ENTREP2: variants seen among roughly 807,000 people sequenced by gnomAD.
ENTREP2 encodes endosomal transmembrane epsin interactor 2, also known as protein ENTREP2.
At chr15:29,328,945 G>A in the ENTREP2 span, among the ~76,000 whole-genome samples, 3 of 152,202 alleles carry the variant, frequency 2.0e-5, no homozygotes, top group Admixed American at 2.0e-4. Flanking sequence ...TACCCCTGTA[G>A]GTGCCTGAAA....
At chr15:29,604,028 G>GA in the ENTREP2 span, among the ~76,000 whole-genome samples, 1 of 151,960 alleles carries the variant, frequency 6.6e-6, no homozygotes, top group Non-Finnish European at 1.5e-5. Context: ...GAATTTAGAT[G>GA]AAAAAAAGAG....
chr15:29,383,775 AAACAACAAAAC>A, the ENTREP2 span, among the ~76,000 whole-genome samples: 4 of 152,062 alleles, frequency 2.6e-5, no homozygotes, highest in Admixed American at 2.0e-4. Flanking sequence ...TCTGGCCACA[AAACAACAAAAC>A]AACAACAAAA....
the ENTREP2 span, among the ~76,000 whole-genome samples, chr15:29,589,137 T>G: frequency 1.3e-5 from 2 of 152,088 alleles, no homozygotes; most frequent in Non-Finnish European, 2.9e-5. Context: ...AAGAGGATTG[T>G]CATTGGGGCC....
At chr15:29,250,276 A>C in the ENTREP2 span, among the ~76,000 whole-genome samples, 11 of 152,138 alleles carry the variant, frequency 7.2e-5, no homozygotes, top group African/African-American at 2.7e-4. Flanking sequence ...AAATGAACAC[A>C]CTGGTTTGTA....
At chr15:29,382,981 C>G in the ENTREP2 span, among the ~76,000 whole-genome samples, 1 of 152,174 alleles carries the variant, frequency 6.6e-6, no homozygotes, top group East Asian at 1.9e-4. Context: ...ATCTGGGCTC[C>G]TGTGGCTTCT....
the ENTREP2 span, among the ~76,000 whole-genome samples, chr15:29,134,029 A>G: frequency 6.6e-6 from 1 of 150,702 alleles, no homozygotes; most frequent in East Asian, 2.0e-4. Context: ...ACCCAGCCTG[A>G]CCTCCCAGAC....
At chr15:29,377,482 G>C in the ENTREP2 span, among the ~76,000 whole-genome samples, 1 of 152,090 alleles carries the variant, frequency 6.6e-6, no homozygotes, top group Non-Finnish European at 1.5e-5. Flanking sequence ...ACCTGCCCTA[G>C]AATGGTGGCT....
At chr15:29,653,153 AAAC>A in the ENTREP2 span, among the ~76,000 whole-genome samples, 2 of 152,182 alleles carry the variant, frequency 1.3e-5, no homozygotes, top group African/African-American at 4.8e-5. Flanking sequence ...ACACAAAACA[AAAC>A]AAAACAAAAA....
the ENTREP2 span, among the ~76,000 whole-genome samples, chr15:29,197,644 T>C: frequency 1.3e-5 from 2 of 151,918 alleles, no homozygotes; most frequent in African/African-American, 4.8e-5. Context: ...TATGCACCTG[T>C]AATCCCAGCT....
At chr15:29,501,124 TTTAA>T in the ENTREP2 span, among the ~76,000 whole-genome samples, 5 of 152,026 alleles carry the variant, frequency 3.3e-5, no homozygotes, top group African/African-American at 1.2e-4. Flanking sequence ...CTACAAAATG[TTTAA>T]AGAAAAATTA....
At chr15:29,374,955 T>G in the ENTREP2 span, 2 of 152,204 alleles carry the variant, frequency 1.3e-5, no homozygotes, top group African/African-American at 4.8e-5. Context: ...ATGTGTCTAC[T>G]TAACTTTTGG....
At chr15:29,228,386 A>C in the ENTREP2 span, among the ~76,000 whole-genome samples, 1 of 152,174 alleles carries the variant, frequency 6.6e-6, no homozygotes, top group African/African-American at 2.4e-5. Flanking sequence ...TGAGTGACCT[A>C]GAATGGGATA....
At chr15:29,403,693 C>T in the ENTREP2 span, among the ~76,000 whole-genome samples, 1 of 152,214 alleles carries the variant, frequency 6.6e-6, no homozygotes, top group African/African-American at 2.4e-5. Flanking sequence ...AAATCCAGGA[C>T]TGTTCCCTAG....
chr15:29,653,412 G>A, the ENTREP2 span, among the ~76,000 whole-genome samples: 1 of 152,132 alleles, frequency 6.6e-6, no homozygotes, highest in African/African-American at 2.4e-5. Flanking sequence ...CAGTTTGGCT[G>A]TGTCCCACCC....
chr15:29,504,970 T>C, the ENTREP2 span, among the ~76,000 whole-genome samples: 1 of 152,188 alleles, frequency 6.6e-6, no homozygotes. Flanking sequence ...AAGATTTTGA[T>C]ACAAGGATGT....
the ENTREP2 span, among the ~76,000 whole-genome samples, chr15:29,341,801 C>T: frequency 6.6e-6 from 1 of 152,070 alleles, no homozygotes; most frequent in Non-Finnish European, 1.5e-5. Context: ...GGAGAGAAAC[C>T]GTGGAAAGTT....
At chr15:29,600,902 C>CTTTTTTTTTTTTTTTTTTTTT in the ENTREP2 span, among the ~76,000 whole-genome samples, 1 of 123,624 alleles carries the variant, frequency 8.1e-6, no homozygotes, top group Admixed American at 8.6e-5. Context: ...ATTTTTCTTT[C>CTTTTTTTTTTTTTTTTTTTTT]TTTTTTTTTT....
the ENTREP2 span, among the ~76,000 whole-genome samples, chr15:29,635,731 T>C: frequency 8.6e-3 from 1,310 of 152,312 alleles, 18 homozygotes; most frequent in African/African-American, 0.027. Flanking sequence ...AGACCACAGC[T>C]TATCCAGGAA....
At chr15:29,176,755 C>A in the ENTREP2 span, among the ~76,000 whole-genome samples, 1 of 152,204 alleles carries the variant, frequency 6.6e-6, no homozygotes, top group Non-Finnish European at 1.5e-5. Flanking sequence ...TCCAGGTCGC[C>A]AGGCTTTGCT....
Sources: allele counts gnomAD v4.1 joint callset (sites outside exome capture counted in the v4.1 genomes callset), GRCh38; gene constraint gnomAD v4.1.1; transcripts MANE v1.5; gene names NCBI Gene and HGNC (gene_info 2026-07-23, HGNC 2026-07-21).